HPN: variants seen among roughly 807,000 people sequenced by gnomAD.
The protein encoded by HPN is serine protease hepsin.
In HPN, 13 loss-of-function variants were observed where a neutral mutation model predicts 55.9. The ratio of observed to expected loss-of-function variants is 0.23; its 90% CI spans 0.15 to 0.37. The LOEUF is 0.37. Among genes scored for constraint, HPN ranks in the 10% least tolerant of loss-of-function variants. The probability of loss-of-function intolerance (pLI) is 1.00; values close to 1 mark genes in which losing one functional copy is unlikely to be tolerated. For synonymous variants in HPN, 225 were observed against 240.3 expected, an observed-to-expected ratio of 0.94 and a Z score of 0.59; for missense variants, 451 against 575.8, an observed-to-expected ratio of 0.78 and a Z score of 2.22.
intron 4 of HPN, among the ~76,000 whole-genome samples, chr19:35,051,392 A>G (rs556581670): frequency 2.6e-3 from 389 of 152,084 alleles, no homozygotes; most frequent in African/African-American, 8.2e-3. Flanking sequence ...TACAGGCATG[A>G]GCCACCACAC....
chr19:35,060,321 G>A lies in HPN; in HGVS notation c.455-26G>A, dbSNP rs762363556. ...ACCTGGGCTCCAGTCCCCTGTCGCC[G>A]CCCCCTGCTGACCCTTGTCCCACAG... On this transcript the variant is annotated intron_variant, in intron 7 of 12. Transcript: ENST00000672452. 6.2e-5 allele frequency: 99 copies of A among 1,608,872 alleles called. No homozygotes were observed. In the African/African-American group the frequency reaches 1.2e-3, roughly 20 times the overall value.
chr19:35,053,977 C>T (rs1452222466), intron 4 of HPN, among the ~76,000 whole-genome samples: 2 of 152,192 alleles, frequency 1.3e-5, no homozygotes, highest in Non-Finnish European at 2.9e-5. Flanking sequence ...GGCAGGGAGA[C>T]AGGCAAGGGT....
intron 4 of HPN, among the ~76,000 whole-genome samples, chr19:35,055,685 C>G (rs1289361977): frequency 1.3e-5 from 2 of 151,790 alleles, no homozygotes; most frequent in African/African-American, 4.8e-5. Context: ...TCTGGACATC[C>G]CAGAGCCTCC....
In HPN at chr19:35,065,673, G is replaced by A. The variant is rs753937235; in HGVS notation, c.1042G>A (p.Ala348Thr). ...TGGCTACCCCGAGGGTGGCATTGAT[G>A]CCTGCCAGGTGAGGGACTCTGTAGG... ...CAGYPEGGIDACQGDSGGPFV... is the reference protein window; with the variant it reads ...CAGYPEGGIDTCQGDSGGPFV... Residue 348 changes from alanine (A) to threonine (T), a missense_variant, in exon 11 of 13, where the codon GCC becomes ACC. Physicochemically the swap from Ala to Thr is moderately conservative, Grantham distance 58. This residue lies in a region of HPN where 73 missense variants were observed against 130.3 expected (regional missense o/e 0.56). Coordinates refer to ENST00000672452, the MANE Select transcript of HPN (RefSeq NM_001384133.1). 6.2e-7 allele frequency: 1 copy of A among 1,614,112 alleles called. No homozygotes were observed. The highest frequency in any genetic ancestry group is 1.1e-5 in the South Asian group (1 of 91,090).
At chr19:35,051,039 T>A (rs561597015) in intron 4 of HPN, among the ~76,000 whole-genome samples, 3 of 150,952 alleles carry the variant, frequency 2.0e-5, no homozygotes, top group Non-Finnish European at 3.0e-5. Context: ...ATCTCAGCCT[T>A]CTGAGTAGCT....
At chr19:35,065,160 T>G (rs1600399608) in intron 9 of HPN, 90 bp from the exon 10 acceptor site, 77 of 737,938 alleles carry the variant, frequency 1.0e-4, no homozygotes, top group Middle Eastern at 3.3e-4. Flanking sequence ...GAGGGCAGGG[T>G]GTGTTAGGGG....
Position 35,065,691 on chromosome 19 carries a change from T to C in HPN, c.1050+10T>C. 1 of 1,613,984 alleles carries C rather than the reference T, an allele frequency of 6.2e-7. No individual in the cohort carries two copies. The highest frequency in any genetic ancestry group is 8.5e-7 in the Non-Finnish European group (1 of 1,179,994). On this transcript the variant is annotated intron_variant, in intron 11 of 12. Transcript: ENST00000672452. The stretch of plus-strand genomic sequence containing the variant: ...CATTGATGCCTGCCAGGTGAGGGAC[T>C]CTGTAGGGGCAGCCCCCTGGTCGCT...
intron 4 of HPN, among the ~76,000 whole-genome samples, chr19:35,056,746 C>T (rs1224172650): frequency 6.6e-6 from 1 of 152,162 alleles, no homozygotes; most frequent in African/African-American, 2.4e-5. Flanking sequence ...ATCTGTGTCT[C>T]CAGGATCACC....
chr19:35,065,712 T>C (rs1307900260), intron 11 of HPN, 31 bp downstream of exon 11: 1 of 1,612,836 alleles, frequency 6.2e-7, no homozygotes, highest in Admixed American at 1.7e-5. Context: ...AGCCCCCTGG[T>C]CGCTGCCACC....
intron 12 of HPN, 42 bp downstream of exon 12, chr19:35,066,074 G>A (rs2064605617): frequency 6.2e-7 from 1 of 1,609,920 alleles, no homozygotes; most frequent in South Asian, 1.1e-5. Context: ...GGGGACGTTT[G>A]GGTGTCTAAT....
At position 35,066,035 on chromosome 19, in the gene HPN, G is replaced by A. The variant is rs2064604861; in HGVS notation, c.1215+3G>A. ...AGTGGATCTTCCAGGCCATAAAGGTGAAAGTTGGGTCCAGATGGGAGCCAG... is the reference window on the plus strand; with the variant it reads ...AGTGGATCTTCCAGGCCATAAAGGTAAAAGTTGGGTCCAGATGGGAGCCAG... On this transcript the variant is annotated splice_donor_region_variant and intron_variant, in intron 12 of 12. Transcript: ENST00000672452. 4 of 1,610,106 alleles carry A rather than the reference G, an allele frequency of 2.5e-6. No individual in the cohort carries two copies. Among genetic ancestry groups the A allele is most frequent in the Non-Finnish European group, 3.4e-6 (4 of 1,180,022 alleles).
upstream of HPN, among the ~76,000 whole-genome samples, chr19:35,040,846 G>T (rs1035922137): frequency 6.6e-6 from 1 of 152,224 alleles, no homozygotes; most frequent in Non-Finnish European, 1.5e-5. Flanking sequence ...GAGGAAATGG[G>T]TGCGGTGGAG....
chr19:35,044,530 C>T (rs1289266308), intron 2 of HPN, among the ~76,000 whole-genome samples: 2 of 152,180 alleles, frequency 1.3e-5, no homozygotes, highest in South Asian at 2.1e-4. Flanking sequence ...TACCAGGTCT[C>T]TCCACAAGGT....
rs748261268 is a variant in HPN at position 35,060,221 on chromosome 19, G to A, written c.454+52G>A. 1.2e-5 allele frequency: 20 copies of A among 1,610,138 alleles called. No homozygotes were observed. The East Asian group carries it at 2.5e-4, about 20-fold the overall frequency. ...TCCTTTAGGCCCTTGGGGAGGCCAC[G>A]TCCCCTCAAGCTCCCCAGGATGGGG... is the stretch of plus-strand genomic sequence containing the variant. On this transcript the variant is annotated intron_variant, in intron 7 of 12. Coordinates refer to ENST00000672452, the MANE Select transcript of HPN (RefSeq NM_001384133.1).
intron 2 of HPN, among the ~76,000 whole-genome samples, chr19:35,047,257 CATCTCG>C (rs1455944172): frequency 1.3e-5 from 2 of 152,246 alleles, no homozygotes; most frequent in Non-Finnish European, 2.9e-5. Flanking sequence ...GCCATCTGGC[CATCTCG>C]ATGGCCTCTC....
chr19:35,042,464 G>A lies in HPN; in HGVS notation c.-43G>A. ...CCATCTCCTCACAGGTCCCACCCTG[G>A]CCCAGGAGGTCAGCCAGGGAATCAT... On this transcript the variant is annotated 5_prime_UTR_variant, in exon 2 of 13. Coordinates refer to ENST00000672452, the MANE Select transcript of HPN (RefSeq NM_001384133.1). The A allele has an allele frequency of 1.3e-6, 2 of 1,593,628 alleles. No homozygotes were observed. The highest frequency in any genetic ancestry group is 1.7e-6 in the Non-Finnish European group (2 of 1,170,498).
Position 35,060,343 on chromosome 19 carries a change from A to G in HPN, c.455-4A>G, listed in dbSNP as rs1209742523. On this transcript the variant is annotated splice_region_variant and splice_polypyrimidine_tract_variant and intron_variant, in intron 7 of 12. Transcript: ENST00000672452. ...GCCGCCCCCTGCTGACCCTTGTCCCACAGACTGTGGCCGCAGGAAGCTGCC... is the reference window on the plus strand; with the variant it reads ...GCCGCCCCCTGCTGACCCTTGTCCCGCAGACTGTGGCCGCAGGAAGCTGCC... 6.2e-7 allele frequency: 1 copy of G among 1,610,976 alleles called. No homozygotes were observed. Among genetic ancestry groups the G allele is most frequent in the South Asian group, 1.1e-5 (1 of 91,082 alleles).
intron 4 of HPN, among the ~76,000 whole-genome samples, chr19:35,057,368 G>A (rs924890864): frequency 6.6e-6 from 1 of 151,588 alleles, no homozygotes; most frequent in African/African-American, 2.4e-5. Flanking sequence ...GGAGGTTACA[G>A]TGACCCAAGG....
chr19:35,041,531 T>C (rs950579879), upstream of HPN: 124 of 652,074 alleles, frequency 1.9e-4, 1 homozygote, highest in Non-Finnish European at 2.3e-4. Context: ...CTGTCCCTGT[T>C]CCCACATCCC....
Sources: allele counts gnomAD v4.1 joint callset (sites outside exome capture counted in the v4.1 genomes callset), GRCh38; gene constraint gnomAD v4.1.1; regional missense constraint gnomAD v4.1.1; transcripts MANE v1.5; gene names NCBI Gene and HGNC (gene_info 2026-07-23, HGNC 2026-07-21).